The following DIAPH2 variants were observed in gnomAD, a reference collection of about 807,000 sequenced individuals.
DIAPH2 encodes the protein protein diaphanous homolog 2.
DIAPH2 carries 35 observed loss-of-function variants against 92.7 expected under a neutral mutation model. The ratio of observed to expected loss-of-function variants is 0.38; its 90% CI spans 0.29 to 0.50. The LOEUF (loss-of-function observed/expected upper bound fraction) is 0.50, where lower values mean the gene tolerates loss of function less well. DIAPH2 is among the 20% of genes least tolerant of loss of function. The probability of loss-of-function intolerance (pLI) is 0.94; values close to 1 mark genes in which losing one functional copy is unlikely to be tolerated. For missense variants in DIAPH2, 701 were observed against 819.5 expected (o/e 0.86, Z 1.77); for synonymous variants, 301 against 280.4 (o/e 1.07, Z -0.73).
At chrX:96,980,000 C>T (rs960958945) in intron 17 of DIAPH2, among the ~76,000 whole-genome samples, 7 of 110,723 alleles carry the variant, frequency 6.3e-5, no homozygotes, top group Non-Finnish European at 1.3e-4. Flanking sequence ...AACTCTGGTG[C>T]GGGCCCTGCA....
At position 97,600,790 on chromosome X, in the gene DIAPH2, GAGA is replaced by G. The variant is rs1569433080; in HGVS notation, c.*1478_*1480del. 8.9e-6 allele frequency: 1 copy of G among 111,843 alleles called. No homozygotes were observed. Among genetic ancestry groups the G allele is most frequent in the Non-Finnish European group, 1.9e-5 (1 of 53,113 alleles). The allele number at this position is 111,843 out of a possible 1,213,427, so 9.2% of individuals were successfully genotyped here. A position where few individuals can be genotyped will look rare whatever the true frequency, so the allele number is the denominator to read the frequency against. ...TCAAAGCACATTGTAGATATTCAGA[GAGA>G]AGAACAAATGGCTGGCTTGGCAAAT... On this transcript the variant is annotated 3_prime_UTR_variant, in exon 27 of 27. Coordinates refer to ENST00000324765, the MANE Select transcript of DIAPH2 (RefSeq NM_006729.5).
intron 5 of DIAPH2, among the ~76,000 whole-genome samples, chrX:96,900,358 A>G (rs567722397): frequency 9.0e-6 from 1 of 111,506 alleles, no homozygotes; most frequent in African/African-American, 3.3e-5. Flanking sequence ...TATCAGATCT[A>G]GGAGCCTTTT....
At chrX:97,187,304 T>TTTTTTTTTTG (rs869133540) in intron 22 of DIAPH2, among the ~76,000 whole-genome samples, 1 of 85,007 alleles carries the variant, frequency 1.2e-5, no homozygotes, top group Non-Finnish European at 2.1e-5. Flanking sequence ...TTTTTTTTTT[T>TTTTTTTTTTG]GCAACTGTCT....
chrX:97,243,846 G>C (rs2068118567), intron 22 of DIAPH2, among the ~76,000 whole-genome samples: 1 of 111,456 alleles, frequency 9.0e-6, no homozygotes, highest in Non-Finnish European at 1.9e-5. Flanking sequence ...TGTACTTTCA[G>C]TTGTGGAAGT....
intron 17 of DIAPH2, among the ~76,000 whole-genome samples, chrX:97,049,383 C>T (rs1456210616): frequency 8.1e-5 from 9 of 110,481 alleles, no homozygotes; most frequent in Non-Finnish European, 1.5e-4. Context: ...AAATAGAATT[C>T]GACAAGAGAT....
chrX:97,143,061 C>G lies in DIAPH2; in HGVS notation c.2719+1267C>G, dbSNP rs187597998. Among the ~76,000 whole-genome samples the G allele has an allele frequency of 6.5e-4, 72 of 111,317 alleles. 1 individual carries two copies. Among genetic ancestry groups the G allele is most frequent in the African/African-American group, 2.2e-3 (67 of 30,767 alleles). On this transcript the variant is annotated intron_variant, in intron 22 of 26. Transcript: ENST00000324765. The stretch of plus-strand genomic sequence containing the variant: ...GAGCAAACTAACACAAAAAGACAAA[C>G]TATGATTGTATTGTATTATTTATTT...
intron 17 of DIAPH2, among the ~76,000 whole-genome samples, chrX:96,973,218 C>T (rs1006747004): frequency 1.8e-5 from 2 of 112,168 alleles, no homozygotes; most frequent in Non-Finnish European, 3.8e-5. Flanking sequence ...ATATAATACG[C>T]TGAGCGTCGT....
rs1222745787 is a variant in DIAPH2, at chrX:96,916,421, T to TG, written c.733-17_733-16insG. 9.3e-7 allele frequency: 1 copy of TG among 1,070,416 alleles called. No homozygotes were observed. Among genetic ancestry groups the TG allele is most frequent in the South Asian group, 2.8e-5 (1 of 36,166 alleles). The allele number at this position is 1,070,416 out of a possible 1,213,427, so 88.2% of individuals were successfully genotyped here. ...CCATAGACATTCTGAATGAAGGTTT[T>TG]TTTTTTTTTTTTTTAGTTTGGATTA... On this transcript the variant is annotated splice_polypyrimidine_tract_variant and intron_variant, in intron 7 of 26. Transcript: ENST00000324765.
intron 21 of DIAPH2, among the ~76,000 whole-genome samples, chrX:97,116,730 A>G (rs1157518304): frequency 8.9e-6 from 1 of 112,214 alleles, no homozygotes; most frequent in Admixed American, 9.5e-5. Context: ...AACCATTCTA[A>G]TTTGAAGAAA....
In DIAPH2 at chrX:97,073,028, C is replaced by T; in HGVS notation, c.2138C>T (p.Thr713Ile). The T allele has an allele frequency of 8.4e-7, 1 of 1,189,843 alleles. No homozygotes were observed. Among genetic ancestry groups the T allele is most frequent in the South Asian group, 1.8e-5 (1 of 54,773 alleles). Residue 713 changes from threonine (T) to isoleucine (I), a missense_variant, in exon 18 of 27, where the codon ACA (threonine) becomes ATA (isoleucine). Transcript: ENST00000324765. The stretch of plus-strand genomic sequence containing the variant: ...GAACTGAGAATTTTGGATCCCAAAA[C>T]AGCTCAGAATCTGTGTATGTAATAT... ...VKELRILDPK[T>I]AQNLSIFLGS...
intron 20 of DIAPH2, among the ~76,000 whole-genome samples, chrX:97,105,427 T>C (rs2066933524): frequency 9.0e-6 from 1 of 111,407 alleles, no homozygotes; most frequent in Admixed American, 9.5e-5. Flanking sequence ...GTTTAGGGGG[T>C]AGATTGGCTG....
At chrX:97,155,444 T>C (rs1412000087) in intron 22 of DIAPH2, among the ~76,000 whole-genome samples, 1 of 107,570 alleles carries the variant, frequency 9.3e-6, no homozygotes, top group Non-Finnish European at 1.9e-5. Context: ...GAGGTTGCAG[T>C]GAGCCGAGAT....
chrX:97,014,423 T>C (rs2066247122), intron 17 of DIAPH2, among the ~76,000 whole-genome samples: 2 of 112,330 alleles, frequency 1.8e-5, no homozygotes, highest in Non-Finnish European at 3.8e-5. Context: ...GAGTTAATAC[T>C]TCTGTTGCGT....
chrX:97,160,616 C>T (rs758889126), intron 22 of DIAPH2, among the ~76,000 whole-genome samples: 19 of 111,587 alleles, frequency 1.7e-4, no homozygotes, highest in South Asian at 7.5e-4. Context: ...TCGTGGATTT[C>T]GAAATCTGGT....
chrX:96,998,006 G>A (rs2066116438), intron 17 of DIAPH2, among the ~76,000 whole-genome samples: 1 of 111,938 alleles, frequency 8.9e-6, no homozygotes, highest in Non-Finnish European at 1.9e-5. Flanking sequence ...AAATGCCATT[G>A]TCCACTAATG....
At chrX:97,185,943 T>C (rs1192179645) in intron 22 of DIAPH2, among the ~76,000 whole-genome samples, 3 of 111,082 alleles carry the variant, frequency 2.7e-5, no homozygotes, top group South Asian at 3.8e-4. Context: ...TTTATAGTAA[T>C]TGCATCTTGC....
At chrX:97,556,131 G>A (rs1602666657) in intron 26 of DIAPH2, among the ~76,000 whole-genome samples, 1 of 111,705 alleles carries the variant, frequency 9.0e-6, no homozygotes, top group Non-Finnish European at 1.9e-5. Flanking sequence ...TTAATTGCCT[G>A]TGGATTTTAT....
At chrX:96,920,472 A>G (rs6620205) in intron 9 of DIAPH2, among the ~76,000 whole-genome samples, 21 of 112,260 alleles carry the variant, frequency 1.9e-4, no homozygotes, top group African/African-American at 6.8e-4. Flanking sequence ...ATAAATTTTT[A>G]GCTACAACTC....
At chrX:97,208,950 A>C (rs1461318887) in intron 22 of DIAPH2, among the ~76,000 whole-genome samples, 1 of 109,506 alleles carries the variant, frequency 9.1e-6, no homozygotes, top group Non-Finnish European at 1.9e-5. Context: ...ATTTGCATTT[A>C]TTACCCTTAA....
Sources: allele counts gnomAD v4.1 joint callset (sites outside exome capture counted in the v4.1 genomes callset), GRCh38; gene constraint gnomAD v4.1.1; transcripts MANE v1.5; gene names NCBI Gene and HGNC (gene_info 2026-07-23, HGNC 2026-07-21).